The following PDE1A variants were observed in gnomAD, a reference collection of about 807,000 sequenced individuals.
The protein encoded by PDE1A is dual specificity calcium/calmodulin-dependent 3',5'-cyclic nucleotide phosphodiesterase 1A.
Under a neutral mutation model 61.7 loss-of-function variants are expected in PDE1A, and 35 were observed. The observed-to-expected ratio is 0.57, with a 90% CI of 0.43 to 0.75. PDE1A has a LOEUF of 0.75. Among genes scored for constraint, PDE1A ranks in the 30% least tolerant of loss-of-function variants. The probability of loss-of-function intolerance (pLI) is 0.00; values close to 1 mark genes in which losing one functional copy is unlikely to be tolerated. For synonymous variants in PDE1A, 232 were observed against 213.2 expected (o/e 1.09, Z -0.77); for missense variants, 597 against 630.6 (o/e 0.95, Z 0.57).
chr2:182,704,405 C>T, the PDE1A span, among the ~76,000 whole-genome samples: 1 of 151,880 alleles, frequency 6.6e-6, no homozygotes, highest in South Asian at 2.1e-4. Context: ...GGGGAAAAGG[C>T]ATAATAAGAT....
At chr2:182,662,674 T>G in the PDE1A span, among the ~76,000 whole-genome samples, 3 of 152,026 alleles carry the variant, frequency 2.0e-5, no homozygotes, top group Non-Finnish European at 2.9e-5. Context: ...TTACATCATA[T>G]ACAAAAATCA....
At chr2:182,410,758 A>G (rs1574588228) in intron 1 of PDE1A, among the ~76,000 whole-genome samples, 1 of 152,210 alleles carries the variant, frequency 6.6e-6, no homozygotes, top group East Asian at 1.9e-4. Context: ...TCAAGCTTTA[A>G]TTGTTCTTCA....
chr2:182,468,609 G>T (rs1338881079), intron 2 of PDE1A, among the ~76,000 whole-genome samples: 1 of 151,812 alleles, frequency 6.6e-6, no homozygotes, highest in Admixed American at 6.6e-5. Context: ...TTGATATTTT[G>T]GCCTCCTCCC....
rs182983297 is a variant in PDE1A at position 182,319,296 on chromosome 2, C to T, written c.54-54882G>A. On this transcript the variant is annotated intron_variant, in intron 1 of 13. Coordinates refer to ENST00000351439, the Ensembl canonical transcript of PDE1A. The stretch of plus-strand genomic sequence containing the variant: ...CTTTATTGATGTTATTAAACCAACA[C>T]TGTTAACTTTGACATGGATGATGAA... 2.7e-4 allele frequency among the ~76,000 whole-genome samples: 41 copies of T among 152,276 alleles called. No homozygotes were observed. The East Asian group carries it at 6.9e-3, about 26-fold the overall frequency.
the PDE1A span, among the ~76,000 whole-genome samples, chr2:182,680,453 G>A: frequency 1.4e-4 from 21 of 152,026 alleles, no homozygotes; most frequent in Admixed American, 1.3e-4. Flanking sequence ...AGTTGCCCAG[G>A]CTGGGACACT....
intron 1 of PDE1A, among the ~76,000 whole-genome samples, chr2:182,316,597 C>A (rs1018291908): frequency 6.6e-6 from 1 of 152,052 alleles, no homozygotes; most frequent in African/African-American, 2.4e-5. Flanking sequence ...TTGTTGGTGT[C>A]TTCATTTCTG....
the PDE1A span, among the ~76,000 whole-genome samples, chr2:182,618,994 C>T: frequency 2.7e-5 from 4 of 150,600 alleles, no homozygotes; most frequent in Non-Finnish European, 4.4e-5. Flanking sequence ...CTTCGTCCAG[C>T]GCCAGTTAGT....
At chr2:182,301,280 C>A (rs1380961687) in intron 1 of PDE1A, among the ~76,000 whole-genome samples, 1 of 152,162 alleles carries the variant, frequency 6.6e-6, no homozygotes, top group Non-Finnish European at 1.5e-5. Flanking sequence ...GTAAACAAAC[C>A]AGTCTGTGGA....
intron 1 of PDE1A, among the ~76,000 whole-genome samples, chr2:182,378,788 G>T (rs1428240695): frequency 6.6e-6 from 1 of 152,140 alleles, no homozygotes; most frequent in Non-Finnish European, 1.5e-5. Flanking sequence ...CAAATCTTCT[G>T]ACTTCCAGTC....
At chr2:182,574,686 TTTTG>T in the PDE1A span, among the ~76,000 whole-genome samples, 852 of 152,184 alleles carry the variant, frequency 5.6e-3, 5 homozygotes, top group Admixed American at 8.0e-3. Context: ...TCTACGTTTT[TTTTG>T]TTTGTTTGTT....
At chr2:182,524,295 T>G (rs1690726066), upstream of PDE1A, among the ~76,000 whole-genome samples, 2 of 152,132 alleles carry the variant, frequency 1.3e-5, no homozygotes, top group South Asian at 4.1e-4. Flanking sequence ...TACTCTATAA[T>G]TATTATTTTA....
At chr2:182,322,758 G>A (rs1345969764) in intron 1 of PDE1A, among the ~76,000 whole-genome samples, 2 of 152,114 alleles carry the variant, frequency 1.3e-5, no homozygotes, top group African/African-American at 4.8e-5. Flanking sequence ...TTTAGTAAAA[G>A]AATTTGTAGA....
the PDE1A span, among the ~76,000 whole-genome samples, chr2:182,575,911 A>G: frequency 6.8e-6 from 1 of 147,006 alleles, no homozygotes; most frequent in Non-Finnish European, 1.5e-5. Flanking sequence ...TACTATATAT[A>G]GTATCATATT....
At chr2:182,399,885 A>G in intron 1 of PDE1A, among the ~76,000 whole-genome samples, 1 of 152,132 alleles carries the variant, frequency 6.6e-6, no homozygotes, top group Non-Finnish European at 1.5e-5. Context: ...GCTGAAATCA[A>G]GAGATGGTCC....
the PDE1A span, among the ~76,000 whole-genome samples, chr2:182,551,353 T>C: frequency 6.6e-6 from 1 of 152,082 alleles, no homozygotes; most frequent in African/African-American, 2.4e-5. Context: ...GAGAGAGTGA[T>C]GGTGATCCAG....
chr2:182,391,709 A>T (rs1574532570), intron 1 of PDE1A, among the ~76,000 whole-genome samples: 1 of 152,196 alleles, frequency 6.6e-6, no homozygotes, highest in East Asian at 1.9e-4. Flanking sequence ...GAGGCACGCA[A>T]CAGTCAAAGG....
intron 1 of PDE1A, among the ~76,000 whole-genome samples, chr2:182,406,327 G>A (rs1702295134): frequency 6.6e-6 from 1 of 151,328 alleles, no homozygotes; most frequent in African/African-American, 2.4e-5. Context: ...GTAGTTTTGT[G>A]GATCTGATTA....
chr2:182,143,863 G>C (rs1690354843), downstream of PDE1A, among the ~76,000 whole-genome samples: 1 of 152,088 alleles, frequency 6.6e-6, no homozygotes. Context: ...ACATCAGTTG[G>C]AATTTCTCTT....
intron 2 of PDE1A, among the ~76,000 whole-genome samples, chr2:182,259,217 G>A (rs928973756): frequency 6.6e-6 from 1 of 152,098 alleles, no homozygotes; most frequent in Non-Finnish European, 1.5e-5. Flanking sequence ...TTAGCAAGAC[G>A]CAAAAGTCAA....
Sources: allele counts gnomAD v4.1 joint callset (sites outside exome capture counted in the v4.1 genomes callset), GRCh38; gene constraint gnomAD v4.1.1; transcripts MANE v1.5; gene names NCBI Gene and HGNC (gene_info 2026-07-23, HGNC 2026-07-21).